SLC19A1: variants seen among roughly 807,000 people sequenced by gnomAD.
SLC19A1 encodes reduced folate transporter.
A neutral mutation model predicts 35.3 loss-of-function variants in SLC19A1; 37 were observed. That is an observed-to-expected ratio of 1.05 (90% confidence interval 0.81 to 1.38). The LOEUF is 1.38. Among genes scored for constraint, SLC19A1 ranks in the 40% most tolerant of loss-of-function variants. SLC19A1 has a pLI of 0.00. For missense variants in SLC19A1, 831 were observed against 826.9 expected, an observed-to-expected ratio of 1.00 and a Z score of -0.06; for synonymous variants, 460 against 398.5, an observed-to-expected ratio of 1.15 and a Z score of -1.84.
chr21:45,530,923 C>G lies in SLC19A1; in HGVS notation c.998G>C (p.Arg333Pro). 1 of 1,452,578 alleles carries G rather than the reference C, an allele frequency of 6.9e-7. No homozygotes were observed. The highest frequency in any genetic ancestry group is 1.5e-5 in the South Asian group (1 of 68,824). 90.0% of individuals were successfully genotyped at this position (1,452,578 alleles called of 1,614,324 possible). Residue 333 changes from arginine (R) to proline (P), a missense_variant, in exon 4 of 6, where the codon CGC becomes CCC. Physicochemically the swap from Arg to Pro is moderately radical, Grantham distance 103 (BLOSUM62 -2). Transcript: ENST00000311124. This position sits in a 1 kb window ranked among gnomAD's most constrained non-coding sequence, Gnocchi z 5.3. ...GCCCGCGATGAGCAGCTTGGACCAGCGCGCCCAGCGGATCTTCACGAAGCC... is the reference window on the plus strand; with the variant it reads ...GCCCGCGATGAGCAGCTTGGACCAGGGCGCCCAGCGGATCTTCACGAAGCC... ...AAGFVKIRWA[R>P]WSKLLIAGVT...
At chr21:45,506,945 G>A in intron 3 of SLC19A1, 1 of 249,988 alleles carries the variant, frequency 4.0e-6, no homozygotes, top group East Asian at 1.0e-4. Context: ...ATGCTGAGCT[G>A]GTGCCCACTG....
intron 1 of SLC19A1, among the ~76,000 whole-genome samples, chr21:45,559,732 T>C (rs1475597): frequency 0.43 from 65,172 of 151,972 alleles, 14,493 homozygotes; most frequent in African/African-American, 0.56. Context: ...CCGTGTTCCT[T>C]ATTAACAGCA....
downstream of SLC19A1, chr21:45,509,546 G>A (rs762630499): frequency 2.5e-5 from 38 of 1,536,990 alleles, no homozygotes; most frequent in East Asian, 7.3e-5. Flanking sequence ...GTGCACCTGC[G>A]GCCGGCGCGA....
Position 45,506,129 on chromosome 21 carries a change from T to C in SLC19A1, c.498-7517A>G, listed in dbSNP as rs949244268. 13 of 1,122,384 alleles carry C rather than the reference T, an allele frequency of 1.2e-5. No individual in the cohort carries two copies. In the African/African-American group the frequency reaches 2.0e-4, roughly 17 times the overall value. 69.5% of individuals were successfully genotyped at this position (1,122,384 alleles called of 1,614,324 possible). A position where few individuals can be genotyped will look rare whatever the true frequency, so the allele number is the denominator to read the frequency against. Reference sequence around the variant, plus strand: ...TTTGGTAAAGTTTAGTAAAATACTTTTGTGAGCAGTTTTGGGTTTAAAGAA... The same window carrying C: ...TTTGGTAAAGTTTAGTAAAATACTTCTGTGAGCAGTTTTGGGTTTAAAGAA... On this transcript the variant is annotated intron_variant, in intron 3 of 4. Transcript: ENST00000417954.
Position 45,530,689 on chromosome 21 carries a change from G to T in SLC19A1, c.1151+81C>A, listed in dbSNP as rs563500804. The T allele has an allele frequency of 4.3e-6, 6 of 1,402,242 alleles. No individual in the cohort carries two copies. Among genetic ancestry groups the T allele is most frequent in the South Asian group, 3.8e-5 (3 of 78,110 alleles). The allele number at this position is 1,402,242 out of a possible 1,614,324, so 86.9% of individuals were successfully genotyped here. ...TGGCACAGCCGCTGGGGCGCAGCAG[G>T]AAGGTGGGAGCACCCAGCGAAGCGC... On this transcript the variant is annotated intron_variant, in intron 4 of 5. Coordinates refer to ENST00000311124, the MANE Select transcript of SLC19A1 (RefSeq NM_194255.4). This position sits in a 1 kb window ranked among gnomAD's most constrained non-coding sequence, Gnocchi z 5.3.
chr21:45,515,903 C>T lies in SLC19A1; in HGVS notation c.1531G>A (p.Val511Met). 1.3e-6 allele frequency: 2 copies of T among 1,553,694 alleles called. No individual in the cohort carries two copies. Among genetic ancestry groups the T allele is most frequent in the Non-Finnish European group, 1.7e-6 (2 of 1,149,706 alleles). Reference sequence around the variant, plus strand: ...CTCTGCTCCAGGGAGGCTGGCCCCACAGCCCCCAGGCTGTCTTCTGGGGAA... The same window carrying T: ...CTCTGCTCCAGGGAGGCTGGCCCCATAGCCCCCAGGCTGTCTTCTGGGGAA... ...PLSPEDSLGAVGPASLEQRQS... is the reference protein window; with the variant it reads ...PLSPEDSLGAMGPASLEQRQS... Residue 511 changes from valine (V) to methionine (M), a missense_variant, in exon 6 of 6, where the codon GTG becomes ATG. Val to Met is a conservative substitution (Grantham distance 21). Coordinates refer to ENST00000311124, the MANE Select transcript of SLC19A1 (RefSeq NM_194255.4).
intron 3 of SLC19A1, chr21:45,504,122 A>G: frequency 6.5e-7 from 1 of 1,550,156 alleles, no homozygotes; most frequent in East Asian, 2.2e-5. Context: ...GGCTGCTCCC[A>G]ATTTCTCGCC....
At chr21:45,519,736 A>C (rs1010780650) in intron 5 of SLC19A1, among the ~76,000 whole-genome samples, 3 of 152,214 alleles carry the variant, frequency 2.0e-5, no homozygotes, top group Non-Finnish European at 2.9e-5. Flanking sequence ...TGAAGCAAAA[A>C]CACAACAGAA....
At chr21:45,557,183 C>G (rs1175483387) in intron 1 of SLC19A1, among the ~76,000 whole-genome samples, 1 of 152,186 alleles carries the variant, frequency 6.6e-6, no homozygotes. Context: ...GAGGCTGGGC[C>G]CTGGGGCTGC....
chr21:45,560,724 C>T (rs1569035663), intron 1 of SLC19A1, among the ~76,000 whole-genome samples: 1 of 152,166 alleles, frequency 6.6e-6, no homozygotes, highest in African/African-American at 2.4e-5. Context: ...GGAGTGGTGA[C>T]AACAGTGGCC....
chr21:45,525,511 C>T (rs564667432), intron 5 of SLC19A1, among the ~76,000 whole-genome samples: 2 of 152,384 alleles, frequency 1.3e-5, no homozygotes, highest in East Asian at 3.9e-4. Context: ...TCAAGGACAC[C>T]AAGTTCCGGC....
chr21:45,509,411 C>G, downstream of SLC19A1: 1 of 1,541,668 alleles, frequency 6.5e-7, no homozygotes, highest in South Asian at 1.2e-5. Context: ...GACAGCAACC[C>G]CTACCCGCGG....
chr21:45,512,644 G>C lies in SLC19A1; in HGVS notation c.*3014C>G, dbSNP rs2037679509. Reference sequence around the variant, plus strand: ...AACTCTCCCCTGACCTGTGAGCCCAGCTGGGTCAGGCAGGGTGCAGTATCA... The same window carrying C: ...AACTCTCCCCTGACCTGTGAGCCCACCTGGGTCAGGCAGGGTGCAGTATCA... On this transcript the variant is annotated 3_prime_UTR_variant, in exon 6 of 6. Coordinates refer to ENST00000311124, the MANE Select transcript of SLC19A1 (RefSeq NM_194255.4). The C allele has an allele frequency of 1.8e-6, 1 of 568,598 alleles. No homozygotes were observed. The highest frequency in any genetic ancestry group is 3.0e-5 in the East Asian group (1 of 33,164). The allele number at this position is 568,598 out of a possible 1,614,324, so 35.2% of individuals were successfully genotyped here.
At chr21:45,511,215 G>A, downstream of SLC19A1, 1 of 1,576,484 alleles carries the variant, frequency 6.3e-7, no homozygotes, top group East Asian at 2.3e-5. Flanking sequence ...ACGTCCTGAG[G>A]CACCCCACCT....
intron 5 of SLC19A1, among the ~76,000 whole-genome samples, chr21:45,516,493 T>A (rs28448590): frequency 0.012 from 1,765 of 152,290 alleles, 30 homozygotes; most frequent in African/African-American, 0.037. Flanking sequence ...AGGGTGCCCA[T>A]GAGGGCCAGA....
chr21:45,549,897 G>A (rs1338232198), intron 1 of SLC19A1, among the ~76,000 whole-genome samples: 1 of 151,910 alleles, frequency 6.6e-6, no homozygotes. Flanking sequence ...CTCCAGCCAC[G>A]TAGGTCTCCA....
In SLC19A1 at chr21:45,559,435, C is replaced by T. The variant is rs535825060; in HGVS notation, c.-50+3307G>A. Among the ~76,000 whole-genome samples, 34 of 152,316 alleles carry T rather than the reference C, an allele frequency of 2.2e-4. 1 individual carries two copies. The highest frequency in any genetic ancestry group is 3.8e-4 in the Non-Finnish European group (26 of 68,028). Reference sequence around the variant, plus strand: ...TGGGCGAGTCCCCCATGGGGACCAGCGGTAGGCAGCATCCTCCGGAGACCA... The same window carrying T: ...TGGGCGAGTCCCCCATGGGGACCAGTGGTAGGCAGCATCCTCCGGAGACCA... On this transcript the variant is annotated intron_variant, in intron 1 of 5. Coordinates refer to the SLC19A1 transcript ENST00000650808.
In SLC19A1 at chr21:45,533,438, G is replaced by A. The variant is rs943574334; in HGVS notation, c.190-1290C>T. 3.9e-5 allele frequency among the ~76,000 whole-genome samples: 6 copies of A among 152,204 alleles called. No homozygotes were observed. In the South Asian group the frequency reaches 8.3e-4, roughly 21 times the overall value. ...CCTGGGCACACCTGGGCACAGTCCA[G>A]AGGAAGAGGCCCCACCCCTGTGAGG... On this transcript the variant is annotated intron_variant, in intron 2 of 5. Transcript: ENST00000311124. This position sits in a 1 kb window ranked among gnomAD's most constrained non-coding sequence, Gnocchi z 4.5.
downstream of SLC19A1, among the ~76,000 whole-genome samples, chr21:45,508,835 A>G (rs115963105): frequency 0.018 from 2,719 of 152,294 alleles, 86 homozygotes; most frequent in African/African-American, 0.062. Context: ...CAGTGGGGAC[A>G]GCCATGTGGA....
Sources: gnomAD v4.1 joint callset for allele counts (sites outside exome capture counted in the v4.1 genomes callset) on GRCh38, gnomAD v4.1.1 for gene constraint, Gnocchi (gnomAD v3.1) non-coding constraint, MANE v1.5 for transcripts, NCBI Gene and HGNC (gene_info 2026-07-23, HGNC 2026-07-21) for gene names.